PHTF2: variants seen among roughly 807,000 people sequenced by gnomAD.
PHTF2 encodes protein PHTF2.
In PHTF2, 60 loss-of-function variants were observed where a neutral mutation model predicts 101.2. The ratio of observed to expected loss-of-function variants is 0.59; its 90% CI spans 0.48 to 0.73. The LOEUF is 0.73. PHTF2 is among the 30% of genes least tolerant of loss of function. The probability of loss-of-function intolerance (pLI) is 0.00; values close to 1 mark genes in which losing one functional copy is unlikely to be tolerated. For missense variants in PHTF2, 747 were observed against 908.7 expected, an observed-to-expected ratio of 0.82 and a Z score of 2.29; for synonymous variants, 311 against 307.3, an observed-to-expected ratio of 1.01 and a Z score of -0.13.
Position 77,940,665 on chromosome 7 carries a change from A to G in PHTF2, c.1872+6A>G. 2 of 1,583,368 alleles carry G rather than the reference A, an allele frequency of 1.3e-6. No homozygotes were observed. Among genetic ancestry groups the G allele is most frequent in the Non-Finnish European group, 8.6e-7 (1 of 1,161,690 alleles). On this transcript the variant is annotated splice_donor_region_variant and intron_variant, in intron 15 of 19. Transcript: ENST00000416283. ...CTCTCCGTTCCTATCTTAAGGTAGA[A>G]TGGGAGTGATAAAAGTAGCTTTAAC...
chr7:77,843,638 T>G (rs907931980), intron 2 of PHTF2, among the ~76,000 whole-genome samples: 1 of 152,270 alleles, frequency 6.6e-6, no homozygotes, highest in African/African-American at 2.4e-5. Flanking sequence ...CTGTACTTAC[T>G]GATTATTTAA....
At chr7:77,885,227 A>G (rs1799733784) in intron 3 of PHTF2, among the ~76,000 whole-genome samples, 4 of 151,906 alleles carry the variant, frequency 2.6e-5, no homozygotes, top group South Asian at 4.1e-4. Context: ...CCAAGTAGCT[A>G]GGACTACAGA....
intron 1 of PHTF2, among the ~76,000 whole-genome samples, chr7:77,807,038 A>T (rs1252552980): frequency 6.6e-6 from 1 of 152,208 alleles, no homozygotes; most frequent in African/African-American, 2.4e-5. Context: ...ACACACATAC[A>T]TTTTATATAC....
At chr7:77,834,312 C>CAAAAAA (rs34947684) in intron 1 of PHTF2, among the ~76,000 whole-genome samples, 1 of 89,086 alleles carries the variant, frequency 1.1e-5, no homozygotes, top group Non-Finnish European at 2.4e-5. Context: ...GACCTTGTCT[C>CAAAAAA]AAAAAAAAAA....
chr7:77,933,702 G>C (rs1804817874), intron 12 of PHTF2, among the ~76,000 whole-genome samples: 1 of 149,702 alleles, frequency 6.7e-6, no homozygotes, highest in Admixed American at 6.7e-5. Flanking sequence ...ATAAAAGCAG[G>C]GACCATGTGT....
At chr7:77,820,706 G>A (rs950037563) in intron 1 of PHTF2, among the ~76,000 whole-genome samples, 2 of 152,014 alleles carry the variant, frequency 1.3e-5, no homozygotes, top group African/African-American at 4.8e-5. Context: ...GCATTTCTGT[G>A]GTATCTGTTG....
At chr7:77,900,899 A>G in intron 6 of PHTF2, 119 bp downstream of exon 5, 1 of 617,830 alleles carries the variant, frequency 1.6e-6, no homozygotes, top group Admixed American at 2.6e-5. Flanking sequence ...AATACTTGAG[A>G]TTGGGTAATT....
At chr7:77,884,533 T>A (rs1799665661) in intron 3 of PHTF2, among the ~76,000 whole-genome samples, 1 of 152,214 alleles carries the variant, frequency 6.6e-6, no homozygotes, top group Non-Finnish European at 1.5e-5. Flanking sequence ...TTCTGACTGA[T>A]AACATTTATT....
intron 3 of PHTF2, among the ~76,000 whole-genome samples, chr7:77,878,860 A>G (rs919833815): frequency 6.6e-6 from 1 of 152,212 alleles, no homozygotes; most frequent in Non-Finnish European, 1.5e-5. Flanking sequence ...TAAGTATTAA[A>G]AAGGGTGGCT....
chr7:77,894,111 A>C, intron 5 of PHTF2, 118 bp downstream of exon 4: 1 of 832,298 alleles, frequency 1.2e-6, no homozygotes, highest in African/African-American at 1.7e-5. Context: ...AGAGTCACTG[A>C]AAAGTTGGTC....
intron 12 of PHTF2, among the ~76,000 whole-genome samples, chr7:77,932,685 C>A (rs1804723017): frequency 6.6e-6 from 1 of 150,588 alleles, no homozygotes; most frequent in African/African-American, 2.4e-5. Flanking sequence ...TCAAAACAAT[C>A]ATACTGCCTT....
rs544520975 is a variant in PHTF2 at position 77,887,175 on chromosome 7, TATATATTTAC to T, written c.148-6423_148-6414del. On this transcript the variant is annotated intron_variant, in intron 3 of 19. Transcript: ENST00000416283. ...CATGTATCCTTCTAAATATCTGGTG[TATATATTTAC>T]ATATATTTAATATAGCATATTAGCT... 7.2e-3 allele frequency among the ~76,000 whole-genome samples: 1,097 copies of T among 152,268 alleles called. 13 individuals carry two copies. The highest frequency in any genetic ancestry group is 0.025 in the African/African-American group (1,059 of 41,566).
At chr7:77,941,639 A>G (rs925847333) in intron 15 of PHTF2, among the ~76,000 whole-genome samples, 14 of 152,180 alleles carry the variant, frequency 9.2e-5, no homozygotes, top group African/African-American at 3.4e-4. Context: ...TCTCCAATTT[A>G]TCACCAATTC....
intron 1 of PHTF2, among the ~76,000 whole-genome samples, chr7:77,815,991 A>G (rs1301161360): frequency 6.6e-6 from 1 of 152,088 alleles, no homozygotes; most frequent in African/African-American, 2.4e-5. Context: ...AGATATTGTA[A>G]GGTAGTAAAG....
chr7:77,931,969 A>G (rs921740286), intron 12 of PHTF2, among the ~76,000 whole-genome samples: 1 of 152,132 alleles, frequency 6.6e-6, no homozygotes, highest in Non-Finnish European at 1.5e-5. Flanking sequence ...GCGTGGTGAC[A>G]GGCACCTGTA....
At chr7:77,825,843 A>C (rs1184917811) in intron 1 of PHTF2, among the ~76,000 whole-genome samples, 1 of 152,182 alleles carries the variant, frequency 6.6e-6, no homozygotes, top group Non-Finnish European at 1.5e-5. Context: ...CAACTCTACA[A>C]ATATAGGAGA....
chr7:77,803,822 G>T (rs1428385241), intron 1 of PHTF2, among the ~76,000 whole-genome samples: 2 of 151,876 alleles, frequency 1.3e-5, no homozygotes, highest in Non-Finnish European at 2.9e-5. Flanking sequence ...GGATTCAACC[G>T]GCAGAGTTGA....
At chr7:77,839,286 A>G (rs900886789) in intron 1 of PHTF2, among the ~76,000 whole-genome samples, 2 of 152,208 alleles carry the variant, frequency 1.3e-5, no homozygotes, top group African/African-American at 2.4e-5. Context: ...GGTAACCTCT[A>G]TGCCAGTGTC....
intron 13 of PHTF2, 41 bp downstream of exon 12, chr7:77,937,879 CTT>C (rs1184779984): frequency 9.2e-7 from 1 of 1,092,260 alleles, no homozygotes; most frequent in African/African-American, 1.6e-5. Context: ...AAGGGTAAGA[CTT>C]AGTAATTATA....
Sources: gnomAD v4.1 joint callset for allele counts (sites outside exome capture counted in the v4.1 genomes callset) on GRCh38, gnomAD v4.1.1 for gene constraint, MANE v1.5 for transcripts, NCBI Gene and HGNC (gene_info 2026-07-23, HGNC 2026-07-21) for gene names.